Variants in SCIN observed in about 807,000 individuals in gnomAD.
The protein encoded by SCIN is scinderin.
SCIN carries 91 observed loss-of-function variants against 91.8 expected under a neutral mutation model. That is an observed-to-expected ratio of 0.99 (90% CI 0.84 to 1.18). SCIN has a LOEUF of 1.18. Ranked by LOEUF, SCIN falls within the 50% of genes most tolerant of loss-of-function variation. SCIN has a pLI of 0.00. For missense variants in SCIN, 1,087 were observed against 863.9 expected (o/e 1.26, Z -3.24); for synonymous variants, 367 against 312.6 (o/e 1.17, Z -1.84).
intron 10 of SCIN, 53 bp downstream of exon 10, chr7:12,636,188 A>C: frequency 3.6e-5 from 46 of 1,286,248 alleles, no homozygotes; most frequent in Non-Finnish European, 4.7e-5. Flanking sequence ...TTGCTAGCTC[A>C]ATGGATAGCT....
At chr7:12,580,985 C>A in intron 2 of SCIN, 75 bp from the exon 3 acceptor site, 1 of 1,450,220 alleles carries the variant, frequency 6.9e-7, no homozygotes, top group Non-Finnish European at 9.3e-7. Context: ...TATTATTGTG[C>A]TTTGCTTTGT....
rs1357370371 is a variant in SCIN at position 12,604,404 on chromosome 7, A to G, written c.517-110A>G. 1.6e-5 allele frequency: 15 copies of G among 929,840 alleles called. No individual in the cohort carries two copies. In the Admixed American group the frequency reaches 1.7e-4, roughly 11 times the overall value. 57.6% of individuals were successfully genotyped at this position (929,840 alleles called of 1,614,324 possible). ...TAACAATTATGTATATACCTCAACA[A>G]TAGGTCATTTAATTTTCCTTTTTCT... is the stretch of plus-strand genomic sequence containing the variant. On this transcript the variant is annotated intron_variant, in intron 3 of 15. Transcript: ENST00000297029.
Position 12,570,877 on chromosome 7 carries a change from C to T in SCIN, c.91C>T (p.Pro31Ser), listed in dbSNP as rs1272424929. 1.3e-6 allele frequency: 2 copies of T among 1,551,426 alleles called. No individual in the cohort carries two copies. The highest frequency in any genetic ancestry group is 1.2e-5 in the South Asian group (1 of 84,054). ...VWRIEKLELVPVPQSAHGDFY... is the reference protein window; with the variant it reads ...VWRIEKLELVSVPQSAHGDFY... ...GAGGATTGAGAAGCTGGAGCTGGTG[C>T]CCGTGCCCCAGAGCGCTCACGGCGA... Residue 31 changes from proline to serine, a missense_variant, in exon 1 of 16, where the codon CCC becomes TCC. Physicochemically the swap from Pro to Ser is moderately conservative, Grantham distance 74 (BLOSUM62 -1). Coordinates refer to ENST00000297029, the MANE Select transcript of SCIN (RefSeq NM_001112706.3).
At chr7:12,650,853 AAGG>A (rs1212499746) in intron 14 of SCIN, among the ~76,000 whole-genome samples, 2 of 152,140 alleles carry the variant, frequency 1.3e-5, no homozygotes, top group Non-Finnish European at 2.9e-5. Context: ...CCTTAAATCA[AAGG>A]TTCCTAGAGG....
chr7:12,657,558 ATATATATATATATATTTTTTTT>A lies in SCIN; in HGVS notation c.*4845_*4866del, dbSNP rs1420443305. The A allele has an allele frequency of 2.1e-4, 4 of 19,078 alleles. No homozygotes were observed. Among genetic ancestry groups the A allele is most frequent in the African/African-American group, 6.4e-4 (4 of 6,270 alleles). 1.2% of individuals were successfully genotyped at this position (19,078 alleles called of 1,614,324 possible). A position where few individuals can be genotyped will look rare whatever the true frequency, so the allele number is the denominator to read the frequency against. ...TGTGTGTATATATATATATATATATATATATATATATATATTTTTTTTTTTTTTTTTTTTTTTTTTGCATTGG... is the reference window on the plus strand; with the variant it reads ...TGTGTGTATATATATATATATATATATTTTTTTTTTTTTTTTTTGCATTGG... On this transcript the variant is annotated 3_prime_UTR_variant, in exon 16 of 16. Transcript: ENST00000297029.
chr7:12,612,923 T>C (rs1430023471), intron 4 of SCIN, among the ~76,000 whole-genome samples: 1 of 152,190 alleles, frequency 6.6e-6, no homozygotes, highest in African/African-American at 2.4e-5. Flanking sequence ...ACCACTGTTA[T>C]ATTAATCAGT....
intron 1 of SCIN, chr7:12,577,483 A>G (rs947952412): frequency 2.2e-6 from 1 of 455,280 alleles, no homozygotes; most frequent in Non-Finnish European, 4.4e-6. Flanking sequence ...ATTGGAATAG[A>G]TTGTTTTATC....
chr7:12,615,426 C>CCT (rs373423821), intron 4 of SCIN, among the ~76,000 whole-genome samples: 1 of 151,868 alleles, frequency 6.6e-6, no homozygotes, highest in African/African-American at 2.4e-5. Flanking sequence ...CTTTGTGTTC[C>CCT]CTCTCTCTCT....
chr7:12,636,255 T>C, intron 10 of SCIN, 120 bp downstream of exon 10: 3 of 658,178 alleles, frequency 4.6e-6, no homozygotes, highest in Non-Finnish European at 5.2e-6. Context: ...TGAACTGTGT[T>C]TTCATTTTGA....
chr7:12,636,140 G>A lies in SCIN; in HGVS notation c.1410+5G>A. The A allele has an allele frequency of 6.2e-7, 1 of 1,608,218 alleles. No homozygotes were observed. Among genetic ancestry groups the A allele is most frequent in the East Asian group, 2.2e-5 (1 of 44,720 alleles). On this transcript the variant is annotated splice_donor_5th_base_variant and intron_variant, in intron 10 of 15. Coordinates refer to ENST00000297029, the MANE Select transcript of SCIN (RefSeq NM_001112706.3). ...CTTGGAGGACAGGCTGTGCAGGTTGGGATATTTTTACCCCCAAAACTCACA... is the reference window on the plus strand; with the variant it reads ...CTTGGAGGACAGGCTGTGCAGGTTGAGATATTTTTACCCCCAAAACTCACA...
intron 2 of SCIN, 121 bp from the exon 3 acceptor site, chr7:12,580,939 G>T (rs1782474609): frequency 8.3e-6 from 8 of 958,378 alleles, no homozygotes; most frequent in Non-Finnish European, 1.1e-5. Context: ...TTTTAACTTG[G>T]CCTGACAGGT....
chr7:12,585,079 T>C (rs1017555516), intron 3 of SCIN, among the ~76,000 whole-genome samples: 1 of 152,296 alleles, frequency 6.6e-6, no homozygotes, highest in South Asian at 2.1e-4. Flanking sequence ...GATCACGCCC[T>C]CTCCCATTGT....
chr7:12,581,483 C>T (rs1429298617), intron 3 of SCIN, among the ~76,000 whole-genome samples: 1 of 152,122 alleles, frequency 6.6e-6, no homozygotes, highest in Non-Finnish European at 1.5e-5. Context: ...TACATTTCCC[C>T]TTCTCTCTGA....
At chr7:12,578,909 G>GTTTTTTTTTGTTTTTT (rs1782429183) in intron 2 of SCIN, among the ~76,000 whole-genome samples, 2 of 85,898 alleles carry the variant, frequency 2.3e-5, no homozygotes, top group African/African-American at 1.0e-4. Flanking sequence ...TATAGGACAG[G>GTTTTTTTTTGTTTTTT]TTTTTTTTTT....
At chr7:12,646,131 A>G (rs999156687) in intron 13 of SCIN, among the ~76,000 whole-genome samples, 3 of 152,246 alleles carry the variant, frequency 2.0e-5, no homozygotes, top group Non-Finnish European at 4.4e-5. Context: ...GTTTTATTTC[A>G]TAGTCATTTA....
At chr7:12,650,443 T>C (rs1784057458) in intron 14 of SCIN, among the ~76,000 whole-genome samples, 1 of 152,254 alleles carries the variant, frequency 6.6e-6, no homozygotes. Flanking sequence ...CTCCTGTTTC[T>C]GTAATCATGG....
intron 14 of SCIN, among the ~76,000 whole-genome samples, chr7:12,650,050 G>A (rs181805651): frequency 2.6e-5 from 4 of 152,236 alleles, no homozygotes; most frequent in African/African-American, 4.8e-5. Flanking sequence ...GTGATTTGAC[G>A]TGCCACATCT....
chr7:12,651,297 T>G lies in SCIN; in HGVS notation c.1960-544T>G, dbSNP rs1784073803. ...ACCTTTAAGAGTGTGATACTCTCAG[T>G]TAATCTTCCCTAGATCCCGAAAAGG... On this transcript the variant is annotated intron_variant, in intron 14 of 15. Transcript: ENST00000297029. The surrounding 1 kb of genome is among the most constrained non-coding windows in gnomAD (Gnocchi z 5.9). Among the ~76,000 whole-genome samples, 1 of 152,150 alleles carries G rather than the reference T, an allele frequency of 6.6e-6. No homozygotes were observed. The highest frequency in any genetic ancestry group is 1.5e-5 in the Non-Finnish European group (1 of 68,030).
chr7:12,592,788 G>A (rs1652176452), intron 3 of SCIN, among the ~76,000 whole-genome samples: 1 of 152,184 alleles, frequency 6.6e-6, no homozygotes, highest in South Asian at 2.1e-4. Context: ...CCCCACAACT[G>A]AGACTTGAGA....
Sources: gnomAD v4.1 joint callset for allele counts (sites outside exome capture counted in the v4.1 genomes callset) on GRCh38, gnomAD v4.1.1 for gene constraint, Gnocchi (gnomAD v3.1) non-coding constraint, MANE v1.5 for transcripts, NCBI Gene and HGNC (gene_info 2026-07-23, HGNC 2026-07-21) for gene names.